The following HTRA1 variants were observed in gnomAD, a reference collection of about 807,000 sequenced individuals.
The protein encoded by HTRA1 is serine protease HTRA1.
In HTRA1, 26 loss-of-function variants were observed where a neutral mutation model predicts 49.7. The ratio of observed to expected loss-of-function variants is 0.52; its 90% CI spans 0.38 to 0.73. The LOEUF is 0.73. Among genes scored for constraint, HTRA1 ranks in the 30% least tolerant of loss-of-function variants. The probability of loss-of-function intolerance (pLI) is 0.00; values close to 1 mark genes in which losing one functional copy is unlikely to be tolerated. For synonymous variants in HTRA1, 291 were observed against 286.9 expected, an observed-to-expected ratio of 1.01 and a Z score of -0.14; for missense variants, 561 against 667.2, an observed-to-expected ratio of 0.84 and a Z score of 1.75.
At chr10:122,504,905 A>T (rs2097502418) in intron 3 of HTRA1, among the ~76,000 whole-genome samples, 1 of 152,212 alleles carries the variant, frequency 6.6e-6, no homozygotes, top group South Asian at 2.1e-4. Context: ...CTCCAGCCTC[A>T]GGCAGCCACA....
At chr10:122,465,848 C>T (rs932274) in intron 1 of HTRA1, among the ~76,000 whole-genome samples, 27,225 of 152,162 alleles carry the variant, frequency 0.18, 2,975 homozygotes, top group Non-Finnish European at 0.25. Flanking sequence ...GCCGGGATTC[C>T]GGACCTCTGC....
At chr10:122,483,292 T>A (rs2097491796) in intron 1 of HTRA1, among the ~76,000 whole-genome samples, 1 of 152,000 alleles carries the variant, frequency 6.6e-6, no homozygotes, top group Non-Finnish European at 1.5e-5. Context: ...GAAAGACGAA[T>A]CATTTATTGT....
Position 122,461,915 on chromosome 10 carries a change from A to T in HTRA1, c.263A>T (p.Gln88Leu), listed in dbSNP as rs1404163250. 5 of 1,459,144 alleles carry T rather than the reference A, an allele frequency of 3.4e-6. No homozygotes were observed. The African/African-American group carries it at 7.4e-5, about 22-fold the overall frequency. The allele number at this position is 1,459,144 out of a possible 1,614,324, so 90.4% of individuals were successfully genotyped here. ...LQEGPCGEGL[Q>L]CVVPFGVPAS... ...GAGGGCCCGTGCGGCGAGGGGCTGC[A>T]GTGCGTGGTGCCCTTCGGGGTGCCA... The change falls in exon 1 of 9, where the codon CAG becomes CTG. Residue 88 changes from glutamine to leucine, a missense_variant. Around this residue, in one of 3 missense-constraint regions of HTRA1, gnomAD observed 271 missense variants for 410.0 expected, o/e 0.66. Transcript: ENST00000368984.
chr10:122,499,042 G>T (rs971576429), intron 3 of HTRA1, among the ~76,000 whole-genome samples: 1 of 152,166 alleles, frequency 6.6e-6, no homozygotes, highest in Admixed American at 6.5e-5. Flanking sequence ...TGGTGGTGCA[G>T]GGATCAGGCT....
intron 1 of HTRA1, among the ~76,000 whole-genome samples, chr10:122,481,613 A>T (rs577587576): frequency 1.3e-5 from 2 of 152,328 alleles, no homozygotes; most frequent in African/African-American, 4.8e-5. Context: ...AGAGAGCCCA[A>T]GAGCATCAGG....
intron 3 of HTRA1, among the ~76,000 whole-genome samples, chr10:122,504,672 G>A (rs983769112): frequency 6.6e-6 from 1 of 152,316 alleles, no homozygotes; most frequent in Admixed American, 6.5e-5. Flanking sequence ...CTCCCCTGGT[G>A]TGGCCTAGTG....
intron 8 of HTRA1, among the ~76,000 whole-genome samples, 154 bp from the exon 9 acceptor site, chr10:122,514,037 C>T (rs1165983603): frequency 6.6e-6 from 1 of 152,038 alleles, no homozygotes; most frequent in Non-Finnish European, 1.5e-5. Context: ...CCGTGCCTGA[C>T]CCACTGATGG....
At chr10:122,463,946 G>A (rs1440843946) in intron 1 of HTRA1, among the ~76,000 whole-genome samples, 1 of 152,142 alleles carries the variant, frequency 6.6e-6, no homozygotes, top group African/African-American at 2.4e-5. Context: ...AGTGAGCCAG[G>A]CTGGTGGCCC....
chr10:122,466,890 G>C (rs759428405), intron 1 of HTRA1, among the ~76,000 whole-genome samples: 1 of 152,106 alleles, frequency 6.6e-6, no homozygotes, highest in Non-Finnish European at 1.5e-5. Flanking sequence ...TTCTTTTATT[G>C]CTCTGTTGGT....
chr10:122,510,064 G>T, intron 6 of HTRA1, 32 bp from the exon 7 acceptor site: 1 of 1,604,250 alleles, frequency 6.2e-7, no homozygotes, highest in Non-Finnish European at 8.5e-7. Flanking sequence ...CAACTGGGCT[G>T]ACCTTCTGCT....
At chr10:122,471,380 G>A (rs2097486066) in intron 1 of HTRA1, among the ~76,000 whole-genome samples, 1 of 152,182 alleles carries the variant, frequency 6.6e-6, no homozygotes, top group African/African-American at 2.4e-5. Flanking sequence ...GTCATTTACA[G>A]TCTGTTCCCA....
In HTRA1 at chr10:122,506,728, A is replaced by T. The variant is rs376830136; in HGVS notation, c.815A>T (p.Glu272Val). 98 of 1,613,464 alleles carry T rather than the reference A, an allele frequency of 6.1e-5. No homozygotes were observed. The highest frequency in any genetic ancestry group is 8.0e-5 in the Non-Finnish European group (94 of 1,180,030). The change falls in exon 4 of 9, where the codon GAG (glutamate) becomes GTG (valine). Residue 272 changes from glutamate to valine, a missense_variant. Glu to Val is a moderately radical substitution (Grantham distance 121). Coordinates refer to ENST00000368984, the MANE Select transcript of HTRA1 (RefSeq NM_002775.5). This position sits in a 1 kb window ranked among gnomAD's most constrained non-coding sequence, Gnocchi z 5.2. ...GTCCTGCTGCTTGGCCGCTCCTCAG[A>T]GCTGCGGCCGGGAGAGTTCGTGGTC... ...LPVLLLGRSS[E>V]LRPGEFVVAI...
chr10:122,498,437 C>G (rs1428897573), intron 3 of HTRA1, among the ~76,000 whole-genome samples: 2 of 152,172 alleles, frequency 1.3e-5, no homozygotes, highest in Non-Finnish European at 2.9e-5. Context: ...CTGCGACCAC[C>G]CTTGACTTTG....
At chr10:122,493,107 C>T (rs186079956) in intron 3 of HTRA1, among the ~76,000 whole-genome samples, 81 of 152,308 alleles carry the variant, frequency 5.3e-4, no homozygotes, top group African/African-American at 1.5e-3. Context: ...CACATGTGCG[C>T]TCACTTTGCC....
rs1357847685 is a variant in HTRA1 at position 122,488,912 on chromosome 10, T to C, written c.483T>C (p.Asp161=). The C allele has an allele frequency of 6.8e-6, 11 of 1,614,012 alleles. No homozygotes were observed. Among genetic ancestry groups the C allele is most frequent in the Non-Finnish European group, 9.3e-6 (11 of 1,179,838 alleles). ...TGCTTTTGTTCTCAGGGCAGGAAGA[T>C]CCCAACAGTTTGCGCCATAAATATA... ...QRGACGQGQE[D]PNSLRHKYNF... The change falls in exon 2 of 9, where the codon GAT becomes GAC. Residue 161 remains aspartate, a synonymous_variant. Coordinates refer to ENST00000368984, the MANE Select transcript of HTRA1 (RefSeq NM_002775.5).
intron 1 of HTRA1, among the ~76,000 whole-genome samples, chr10:122,475,008 A>G (rs1221843332): frequency 6.6e-6 from 1 of 152,222 alleles, no homozygotes; most frequent in East Asian, 1.9e-4. Context: ...GTAAAGCCAA[A>G]GATGCAGATC....
chr10:122,479,695 G>T (rs2097490150), intron 1 of HTRA1, among the ~76,000 whole-genome samples: 1 of 152,066 alleles, frequency 6.6e-6, no homozygotes, highest in Admixed American at 6.5e-5. Context: ...GTGGGGAGAG[G>T]TCTGCAGGGT....
intron 1 of HTRA1, among the ~76,000 whole-genome samples, chr10:122,467,277 G>A (rs2672596): frequency 0.18 from 27,074 of 152,186 alleles, 2,970 homozygotes; most frequent in Non-Finnish European, 0.25. Flanking sequence ...CAACTGGGGC[G>A]GAGGGGCTGA....
Position 122,461,963 on chromosome 10 carries a change from G to T in HTRA1, c.311G>T (p.Arg104Leu). The change falls in exon 1 of 9, where the codon CGC becomes CTC. Residue 104 changes from arginine to leucine, a missense_variant. By Grantham distance (102) the Arg-to-Leu change is moderately radical. Coordinates refer to ENST00000368984, the MANE Select transcript of HTRA1 (RefSeq NM_002775.5). ...CCAGCCTCGGCCACGGTGCGGCGGC[G>T]CGCGCAGGCCGGCCTCTGTGTGTGC... ...GVPASATVRR[R>L]AQAGLCVCAS... 1 of 1,502,172 alleles carries T rather than the reference G, an allele frequency of 6.7e-7. No individual in the cohort carries two copies. Among genetic ancestry groups the T allele is most frequent in the Non-Finnish European group, 8.8e-7 (1 of 1,133,012 alleles). 93.1% of individuals were successfully genotyped at this position (1,502,172 alleles called of 1,614,324 possible). A position where few individuals can be genotyped will look rare whatever the true frequency, so the allele number is the denominator to read the frequency against.
Sources: gnomAD v4.1 joint callset for allele counts (sites outside exome capture counted in the v4.1 genomes callset) on GRCh38, gnomAD v4.1.1 for gene constraint, gnomAD v4.1.1 regional missense constraint, Gnocchi (gnomAD v3.1) non-coding constraint, MANE v1.5 for transcripts, NCBI Gene and HGNC (gene_info 2026-07-23, HGNC 2026-07-21) for gene names.